METTL8: variants seen among roughly 807,000 people sequenced by gnomAD.
METTL8 encodes the protein methyltransferase 8, tRNA N3-cytidine.
METTL8 carries 32 observed loss-of-function variants against 48.7 expected under a neutral mutation model. The ratio of observed to expected loss-of-function variants is 0.66; its 90% confidence interval spans 0.50 to 0.88. METTL8 has a LOEUF of 0.88. Among genes scored for constraint, METTL8 ranks in the 40% least tolerant of loss-of-function variants. The pLI is 0.00. For synonymous variants in METTL8, 136 were observed against 157.1 expected (o/e 0.87, Z 1.01); for missense variants, 464 against 474.4 (o/e 0.98, Z 0.20).
chr2:171,341,591 G>A (rs1376768773), intron 3 of METTL8, among the ~76,000 whole-genome samples: 3 of 151,340 alleles, frequency 2.0e-5, no homozygotes, highest in African/African-American at 7.3e-5. Flanking sequence ...AGTGCTACAG[G>A]CAGTAACAAT....
intron 2 of METTL8, among the ~76,000 whole-genome samples, chr2:171,377,606 T>C (rs1390874575): frequency 2.6e-5 from 4 of 152,124 alleles, no homozygotes; most frequent in Non-Finnish European, 5.9e-5. Context: ...AAAGAAGATG[T>C]ACAAACAGCC....
At chr2:171,340,497 T>TAAAA (rs1686628330) in intron 3 of METTL8, among the ~76,000 whole-genome samples, 1 of 58,780 alleles carries the variant, frequency 1.7e-5, no homozygotes, top group Non-Finnish European at 3.0e-5. Context: ...GTGAGTTGTC[T>TAAAA]CAAAAAAAAA....
chr2:171,422,988 G>A (rs1197140147), intron 1 of METTL8, among the ~76,000 whole-genome samples: 1 of 152,178 alleles, frequency 6.6e-6, no homozygotes. Flanking sequence ...ACATGTTGTG[G>A]GAGGGACACA....
rs111334171 is a variant in METTL8 at position 171,422,870 on chromosome 2, A to G, written c.-13+11013T>C. Among the ~76,000 whole-genome samples the G allele has an allele frequency of 3.3e-3, 502 of 152,356 alleles. 1 individual carries two copies. The highest frequency in any genetic ancestry group is 0.011 in the African/African-American group (460 of 41,578). ...CTAATAGGATAGAAATTGCTATAAC[A>G]ACATACAGAGTCAACATGGTATCAC... On this transcript the variant is annotated intron_variant, in intron 1 of 9. Coordinates refer to ENST00000375258, the MANE Select transcript of METTL8 (RefSeq NM_001321154.2).
At chr2:171,379,689 A>G (rs1687322980) in intron 2 of METTL8, among the ~76,000 whole-genome samples, 1 of 152,240 alleles carries the variant, frequency 6.6e-6, no homozygotes, top group Admixed American at 6.5e-5. Flanking sequence ...ACACCCTCCC[A>G]ACACTCAACC....
In METTL8 at chr2:171,339,555, CTAAAA is replaced by C. The variant is rs1412899002; in HGVS notation, c.236-6_236-2del. ...TTACTAGCTTCTCTCTCATACTTAA[CTAAAA>C]TAAAGAGGAAAAAGAAAGATTTATT... On this transcript the variant is annotated splice_acceptor_variant and splice_polypyrimidine_tract_variant and intron_variant, in intron 3 of 9. Coordinates refer to ENST00000375258, the MANE Select transcript of METTL8 (RefSeq NM_001321154.2). LOFTEE classifies it high-confidence loss of function. 3 of 1,451,066 alleles carry C rather than the reference CTAAAA, an allele frequency of 2.1e-6. No individual in the cohort carries two copies. Among genetic ancestry groups the C allele is most frequent in the East Asian group, 4.6e-5 (2 of 43,752 alleles). 89.9% of individuals were successfully genotyped at this position (1,451,066 alleles called of 1,614,324 possible).
chr2:171,356,653 CA>C lies in METTL8; in HGVS notation c.235+3768del, dbSNP rs573211948. On this transcript the variant is annotated intron_variant, in intron 3 of 9. Transcript: ENST00000375258. ...TTTAGCTCCCACATATGGATGAGAA[CA>C]TGCAGTATTTGTCTTTCTGTGCTTG... Among the ~76,000 whole-genome samples the C allele has an allele frequency of 1.6e-3, 242 of 152,078 alleles. 2 individuals carry two copies. The highest frequency in any genetic ancestry group is 5.5e-3 in the African/African-American group (227 of 41,466).
chr2:171,434,017 A>C (rs549908851), upstream of METTL8: 9 of 255,140 alleles, frequency 3.5e-5, no homozygotes, highest in South Asian at 3.1e-4. Flanking sequence ...AGGGATCCCT[A>C]AGTGCAGGGC....
intron 2 of METTL8, among the ~76,000 whole-genome samples, chr2:171,370,684 G>A (rs1686235875): frequency 6.6e-6 from 1 of 152,056 alleles, no homozygotes; most frequent in East Asian, 1.9e-4. Context: ...CCAGCTACTC[G>A]GGAGGCTGAG....
intron 1 of METTL8, among the ~76,000 whole-genome samples, chr2:171,418,338 G>A (rs112699976): frequency 2.1e-4 from 32 of 152,114 alleles, no homozygotes; most frequent in African/African-American, 6.7e-4. Flanking sequence ...TATACTAGTC[G>A]GGGTTTAACA....
At chr2:171,325,484 A>G (rs929340139) in intron 9 of METTL8, among the ~76,000 whole-genome samples, 2 of 152,248 alleles carry the variant, frequency 1.3e-5, no homozygotes, top group Admixed American at 1.3e-4. Context: ...CCCCTGTGAC[A>G]GGCCAAGATA....
At chr2:171,408,533 C>G (rs904214804) in intron 1 of METTL8, among the ~76,000 whole-genome samples, 2 of 152,110 alleles carry the variant, frequency 1.3e-5, no homozygotes, top group Non-Finnish European at 2.9e-5. Flanking sequence ...CTCACGTGAT[C>G]CACCCACCTC....
In METTL8 at chr2:171,318,276, A is replaced by G. The variant is rs1424148615; in HGVS notation, c.*5896T>C. ...CCATATTCCAAGAAACCGTATTCCAAGAAATGCTCAACATTTCATGCCTGA... is the reference window on the plus strand; with the variant it reads ...CCATATTCCAAGAAACCGTATTCCAGGAAATGCTCAACATTTCATGCCTGA... On this transcript the variant is annotated 3_prime_UTR_variant, in exon 10 of 10. Coordinates refer to ENST00000375258, the MANE Select transcript of METTL8 (RefSeq NM_001321154.2). 1 of 152,238 alleles carries G rather than the reference A, an allele frequency of 6.6e-6. No individual in the cohort carries two copies. The highest frequency in any genetic ancestry group is 1.5e-5 in the Non-Finnish European group (1 of 68,048). The allele number at this position is 152,238 out of a possible 1,614,324, so 9.4% of individuals were successfully genotyped here.
At position 171,316,953 on chromosome 2, in the gene METTL8, C is replaced by T. The variant is rs374342836; in HGVS notation, c.*7219G>A. 6.6e-6 allele frequency among the ~76,000 whole-genome samples: 1 copy of T among 152,148 alleles called. No homozygotes were observed. The highest frequency in any genetic ancestry group is 2.4e-5 in the African/African-American group (1 of 41,442). On this transcript the variant is annotated 3_prime_UTR_variant, in exon 10 of 10. Transcript: ENST00000375258. ...GTAAGGAGAGCGATCGCATTCTTTA[C>T]GCCAAGCATTCTGTTTAGCAGGACT...
intron 1 of METTL8, among the ~76,000 whole-genome samples, chr2:171,427,863 C>CT (rs1414437186): frequency 6.6e-6 from 1 of 152,126 alleles, no homozygotes; most frequent in Non-Finnish European, 1.5e-5. Flanking sequence ...AAAACTTTCC[C>CT]CTGCACATTA....
At chr2:171,325,045 C>T (rs574478471) in intron 9 of METTL8, among the ~76,000 whole-genome samples, 15 of 146,652 alleles carry the variant, frequency 1.0e-4, no homozygotes, top group African/African-American at 3.8e-4. Flanking sequence ...TCGTTTGAAC[C>T]GGCGAGGTGG....
At position 171,324,020 on chromosome 2, in the gene METTL8, C is replaced by A; in HGVS notation, c.*152G>T. 1 of 629,552 alleles carries A rather than the reference C, an allele frequency of 1.6e-6. No individual in the cohort carries two copies. The highest frequency in any genetic ancestry group is 2.3e-5 in the South Asian group (1 of 42,654). 39.0% of individuals were successfully genotyped at this position (629,552 alleles called of 1,614,324 possible). On this transcript the variant is annotated 3_prime_UTR_variant, in exon 10 of 10. Transcript: ENST00000375258. ...TACTGTGCTGAACCACTTACATGTG[C>A]TTAAAATGCACAAAGGAGCTCACCT... is the stretch of plus-strand genomic sequence containing the variant.
intron 2 of METTL8, among the ~76,000 whole-genome samples, chr2:171,361,912 G>A (rs1685205761): frequency 6.6e-6 from 1 of 152,202 alleles, no homozygotes; most frequent in Non-Finnish European, 1.5e-5. Flanking sequence ...ATGAAGGGGA[G>A]TGCAGTCAAT....
At position 171,320,724 on chromosome 2, in the gene METTL8, T is replaced by G. The variant is rs1012343862; in HGVS notation, c.*3448A>C. On this transcript the variant is annotated 3_prime_UTR_variant, in exon 10 of 10. Coordinates refer to ENST00000375258, the MANE Select transcript of METTL8 (RefSeq NM_001321154.2). ...AATTTTAATGTTTATATTTACTGAC[T>G]TATGCATGTTTAAACAGAAAGCTTG... 1.2e-4 allele frequency: 19 copies of G among 152,260 alleles called. No homozygotes were observed. The highest frequency in any genetic ancestry group is 2.6e-4 in the Non-Finnish European group (18 of 68,038). 9.4% of individuals were successfully genotyped at this position (152,260 alleles called of 1,614,324 possible).
Sources: allele counts gnomAD v4.1 joint callset (sites outside exome capture counted in the v4.1 genomes callset), GRCh38; gene constraint gnomAD v4.1.1; transcripts MANE v1.5; gene names NCBI Gene and HGNC (gene_info 2026-07-23, HGNC 2026-07-21).